VPS13B: variants seen among roughly 807,000 people sequenced by gnomAD.
VPS13B encodes the protein intermembrane lipid transfer protein VPS13B.
In VPS13B, 285 loss-of-function variants were observed where a neutral mutation model predicts 426.4. The observed-to-expected ratio is 0.67, with a 90% CI of 0.61 to 0.74. The LOEUF (loss-of-function observed/expected upper bound fraction) is 0.74, where lower values mean the gene tolerates loss of function less well. Among genes scored for constraint, VPS13B ranks in the 30% least tolerant of loss-of-function variants. The pLI is 0.00. For synonymous variants in VPS13B, 1,676 were observed against 1,676.4 expected (o/e 1.00, Z 0.01); for missense variants, 4,537 against 4,782.6 (o/e 0.95, Z 1.51).
chr8:99,083,135 C>T (rs2132379057), intron 3 of VPS13B, among the ~76,000 whole-genome samples: 1 of 152,268 alleles, frequency 6.6e-6, no homozygotes, highest in Admixed American at 6.5e-5. Flanking sequence ...TCTTTTATTT[C>T]ACTGAGCAGT....
At chr8:99,546,668 A>C (rs1823995429) in intron 30 of VPS13B, among the ~76,000 whole-genome samples, 1 of 152,026 alleles carries the variant, frequency 6.6e-6, no homozygotes, top group Non-Finnish European at 1.5e-5. Context: ...ACTATCATTT[A>C]TGTATTTCTG....
At chr8:99,460,389 T>C (rs994973986) in intron 23 of VPS13B, among the ~76,000 whole-genome samples, 2 of 152,180 alleles carry the variant, frequency 1.3e-5, no homozygotes, top group African/African-American at 4.8e-5. Flanking sequence ...TCCCCCTTAT[T>C]GACACATATA....
At chr8:99,037,268 A>G (rs1484831148) in intron 2 of VPS13B, among the ~76,000 whole-genome samples, 1 of 151,302 alleles carries the variant, frequency 6.6e-6, no homozygotes, top group Non-Finnish European at 1.5e-5. Flanking sequence ...GCTGACCTTT[A>G]AAAAAAAACC....
intron 19 of VPS13B, among the ~76,000 whole-genome samples, chr8:99,336,755 T>C (rs910915568): frequency 6.6e-6 from 1 of 152,034 alleles, no homozygotes; most frequent in Non-Finnish European, 1.5e-5. Context: ...AAAAAACACA[T>C]GAAAAAATGC....
At chr8:99,204,684 A>G (rs1039070998) in intron 17 of VPS13B, among the ~76,000 whole-genome samples, 1 of 152,226 alleles carries the variant, frequency 6.6e-6, no homozygotes, top group African/African-American at 2.4e-5. Context: ...CCTATGAAAA[A>G]GTGTGCAAAA....
intron 19 of VPS13B, among the ~76,000 whole-genome samples, chr8:99,308,461 C>T (rs967525979): frequency 2.0e-5 from 3 of 151,856 alleles, no homozygotes; most frequent in Non-Finnish European, 4.4e-5. Context: ...TAGTTTGCTG[C>T]GAATGATGGT....
chr8:99,649,909 G>A (rs546491100), intron 34 of VPS13B, among the ~76,000 whole-genome samples: 20 of 152,126 alleles, frequency 1.3e-4, no homozygotes, highest in Admixed American at 2.6e-4. Context: ...TCACAACGTC[G>A]GTTATAGCCA....
chr8:99,138,705 T>C (rs899281751), intron 12 of VPS13B, among the ~76,000 whole-genome samples: 3 of 152,254 alleles, frequency 2.0e-5, no homozygotes, highest in South Asian at 2.1e-4. Flanking sequence ...TAGCCAGTTA[T>C]ATATATGAAA....
intron 3 of VPS13B, among the ~76,000 whole-genome samples, chr8:99,066,808 A>G (rs936744737): frequency 2.0e-5 from 3 of 152,226 alleles, no homozygotes; most frequent in African/African-American, 7.2e-5. Flanking sequence ...ATTTACAAGA[A>G]AAAAACAATC....
chr8:99,210,507 T>A (rs182288472), intron 17 of VPS13B, among the ~76,000 whole-genome samples: 148 of 152,314 alleles, frequency 9.7e-4, no homozygotes, highest in African/African-American at 3.4e-3. Context: ...TCACATTTGG[T>A]GCCATTGTGT....
chr8:99,191,758 G>A (rs764521245), intron 16 of VPS13B, among the ~76,000 whole-genome samples: 1 of 152,144 alleles, frequency 6.6e-6, no homozygotes, highest in Non-Finnish European at 1.5e-5. Context: ...TGGGAGAAGA[G>A]AGGGAAGCAT....
chr8:99,351,167 A>G (rs888236297), intron 19 of VPS13B, among the ~76,000 whole-genome samples: 1 of 152,200 alleles, frequency 6.6e-6, no homozygotes, highest in African/African-American at 2.4e-5. Flanking sequence ...CCAACAAATC[A>G]GTACCTAAAT....
At chr8:99,761,197 CG>C (rs1810913989) in intron 39 of VPS13B, among the ~76,000 whole-genome samples, 1 of 152,158 alleles carries the variant, frequency 6.6e-6, no homozygotes, top group East Asian at 1.9e-4. Context: ...AAAATTCTGA[CG>C]CATAACTGAC....
intron 39 of VPS13B, among the ~76,000 whole-genome samples, chr8:99,747,423 A>T (rs1002871844): frequency 6.6e-6 from 1 of 152,148 alleles, no homozygotes; most frequent in Non-Finnish European, 1.5e-5. Context: ...GAAAAAATTC[A>T]TAATTCTTTA....
rs192967529 is a variant in VPS13B, at chr8:99,187,560, T to C, written c.2334-5316T>C. On this transcript the variant is annotated intron_variant, in intron 16 of 61. Transcript: ENST00000357162. Reference sequence around the variant, plus strand: ...AGCCAAATATGATCAGAATTGTGGATTGAGGGACACAGGTAGTGTCACATG... The same window carrying C: ...AGCCAAATATGATCAGAATTGTGGACTGAGGGACACAGGTAGTGTCACATG... Among the ~76,000 whole-genome samples the C allele has an allele frequency of 2.7e-3, 413 of 152,292 alleles. 1 individual carries two copies. The highest frequency in any genetic ancestry group is 3.9e-3 in the Non-Finnish European group (263 of 68,022).
chr8:99,275,351 G>GTTTT (rs1818844916), intron 19 of VPS13B, 97 bp downstream of exon 19: 3 of 1,233,184 alleles, frequency 2.4e-6, no homozygotes, highest in Admixed American at 2.7e-5. Context: ...TTTTTTTTAG[G>GTTTT]TATTTTTGTC....
intron 44 of VPS13B, among the ~76,000 whole-genome samples, chr8:99,813,287 A>G (rs1397750837): frequency 1.3e-5 from 2 of 152,154 alleles, no homozygotes; most frequent in Middle Eastern, 3.2e-3. Flanking sequence ...ACCCACCAAG[A>G]GGATCTTTGT....
chr8:99,312,771 T>G (rs1563662115), intron 19 of VPS13B, among the ~76,000 whole-genome samples: 1 of 152,218 alleles, frequency 6.6e-6, no homozygotes, highest in Non-Finnish European at 1.5e-5. Flanking sequence ...GTTTTCTGAC[T>G]TGGTTCCATT....
intron 58 of VPS13B, 34 bp from the exon 59 acceptor site, chr8:99,868,255 C>A: frequency 1.2e-6 from 2 of 1,613,766 alleles, no homozygotes; most frequent in Non-Finnish European, 1.7e-6. Flanking sequence ...GGATTTTAAG[C>A]CTCTGTCCTT....
Sources: gnomAD v4.1 joint callset for allele counts (sites outside exome capture counted in the v4.1 genomes callset) on GRCh38, gnomAD v4.1.1 for gene constraint, MANE v1.5 for transcripts, NCBI Gene and HGNC (gene_info 2026-07-23, HGNC 2026-07-21) for gene names.